GART: variants seen among roughly 807,000 people sequenced by gnomAD.
GART encodes the protein trifunctional purine biosynthetic protein adenosine-3.
GART carries 43 observed loss-of-function variants against 107.2 expected under a neutral mutation model. The observed-to-expected ratio is 0.40, with a 90% CI of 0.31 to 0.52. The LOEUF is 0.52. GART is among the 20% of genes least tolerant of loss of function. The probability of loss-of-function intolerance (pLI) is 0.52; values close to 1 mark genes in which losing one functional copy is unlikely to be tolerated. For missense variants in GART, 1,107 were observed against 1,206.5 expected (o/e 0.92, Z 1.22); for synonymous variants, 434 against 427.0 (o/e 1.02, Z -0.20).
At chr21:33,524,405 G>A in intron 11 of GART, 1 of 615,622 alleles carries the variant, frequency 1.6e-6, no homozygotes, top group Non-Finnish European at 2.0e-6. Flanking sequence ...AAAAAAATTA[G>A]CCAGGTGTGG....
Position 33,520,429 on chromosome 21 carries a change from C to T in GART, c.1637G>A (p.Ser546Asn), listed in dbSNP as rs1278459907. ...DYFSCGKLDL[S>N]VTEAVVAGIA... ...TCCAGCAACAACAGCTTCAGTTACA[C>T]TGAGGTCAAGTTTTCCACAGGAAAA... The change falls in exon 14 of 22, where the codon AGT (serine) becomes AAT (asparagine). Residue 546 changes from serine to asparagine, a missense_variant. By Grantham distance (46) the Ser-to-Asn change is conservative (BLOSUM62 1). Transcript: ENST00000381815. 6.2e-7 allele frequency: 1 copy of T among 1,614,138 alleles called. No homozygotes were observed. Among genetic ancestry groups the T allele is most frequent in the South Asian group, 1.1e-5 (1 of 91,088 alleles).
intron 10 of GART, among the ~76,000 whole-genome samples, chr21:33,526,030 C>T (rs555421849): frequency 3.8e-4 from 58 of 151,528 alleles, no homozygotes; most frequent in African/African-American, 1.2e-3. Context: ...CCACCATGCC[C>T]GGCTAATTTT....
intron 16 of GART, among the ~76,000 whole-genome samples, chr21:33,515,488 A>T (rs2084857402): frequency 3.3e-5 from 5 of 151,892 alleles, no homozygotes; most frequent in Admixed American, 3.3e-4. Flanking sequence ...AAAAATACAA[A>T]AATTAGCCGG....
chr21:33,505,513 C>T (rs2084662833), intron 20 of GART, 48 bp downstream of exon 20: 3 of 1,538,532 alleles, frequency 1.9e-6, no homozygotes, highest in Non-Finnish European at 2.6e-6. Flanking sequence ...GTTCTGGAGA[C>T]CATTTTCAAT....
chr21:33,518,705 A>G, intron 14 of GART: 1 of 441,596 alleles, frequency 2.3e-6, no homozygotes, highest in South Asian at 1.7e-5. Flanking sequence ...AGCCTCATCA[A>G]AACTCCTTAC....
At position 33,521,064 on chromosome 21, in the gene GART, T is replaced by C. The variant is rs537322430; in HGVS notation, c.1394-49A>G. On this transcript the variant is annotated intron_variant, in intron 12 of 21. Coordinates refer to ENST00000381815, the MANE Select transcript of GART (RefSeq NM_000819.5). ...TTGCTACATTTTAATAGATTAAACA[T>C]GTAATTATTTAAATGTCTACTAGTT... 2.1e-6 allele frequency: 3 copies of C among 1,436,904 alleles called. No homozygotes were observed. The African/African-American group carries it at 4.2e-5, about 20-fold the overall frequency. The allele number at this position is 1,436,904 out of a possible 1,614,324, so 89.0% of individuals were successfully genotyped here. A position where few individuals can be genotyped will look rare whatever the true frequency, so the allele number is the denominator to read the frequency against.
At chr21:33,512,745 T>C (rs937756886) in intron 16 of GART, among the ~76,000 whole-genome samples, 1 of 102,532 alleles carries the variant, frequency 9.8e-6, no homozygotes, top group Non-Finnish European at 1.9e-5. Flanking sequence ...TGCGACACCA[T>C]GCCTGGCTAT....
chr21:33,519,796 C>G (rs1218389148), intron 14 of GART, among the ~76,000 whole-genome samples: 2 of 150,658 alleles, frequency 1.3e-5, no homozygotes, highest in African/African-American at 4.9e-5. Context: ...CCACTGCACT[C>G]CAACCTGGGT....
intron 5 of GART, 93 bp from the exon 6 acceptor site, chr21:33,531,650 G>A: frequency 8.7e-7 from 1 of 1,148,036 alleles, no homozygotes; most frequent in South Asian, 1.4e-5. Context: ...TCCAGCATTT[G>A]TATTATGAAC....
At chr21:33,528,479 C>T (rs1364955226) in intron 9 of GART, 40 bp downstream of exon 9, 2 of 1,551,908 alleles carry the variant, frequency 1.3e-6, no homozygotes, top group East Asian at 2.2e-5. Flanking sequence ...TAAAATACCA[C>T]ATATCTTCTA....
At chr21:33,524,736 AT>A (rs2085036722) in intron 11 of GART, 32 bp downstream of exon 11, 1 of 1,613,386 alleles carries the variant, frequency 6.2e-7, no homozygotes, top group South Asian at 1.1e-5. Flanking sequence ...AGTTTCTGAA[AT>A]GGCACTACAG....
rs748179260 is a variant in GART, at chr21:33,535,249, C to T, written c.217G>A (p.Gly73Arg). The T allele has an allele frequency of 6.9e-7, 1 of 1,450,276 alleles. No homozygotes were observed. Among genetic ancestry groups the T allele is most frequent in the Non-Finnish European group, 9.2e-7 (1 of 1,081,114 alleles). The allele number at this position is 1,450,276 out of a possible 1,614,324, so 89.8% of individuals were successfully genotyped here. Residue 73 changes from glycine (G) to arginine (R), a missense_variant, in exon 3 of 22, where the codon GGA becomes AGA. Gly to Arg is a moderately radical substitution (Grantham distance 125). Coordinates refer to ENST00000381815, the MANE Select transcript of GART (RefSeq NM_000819.5). ...CCAGCAGCCAGAGGTGCTTCTGGTC[C>T]AACAACTACAAATTCAATTTTCTTC... ...KEKKIEFVVV[G>R]PEAPLAAGIV...
At position 33,504,133 on chromosome 21, in the gene GART, T is replaced by A. The variant is rs1555888503; in HGVS notation, c.3024A>T (p.Lys1008Asn). The change falls in exon 22 of 22, where the codon AAA (lysine) becomes AAT (asparagine). Residue 1008 changes from lysine (K) to asparagine (N), a missense_variant. Transcript: ENST00000381815. ...TCTGAATTAAAAGGCTTCATTCCTC[T>A]TTAACCCAACAGATCTTGCCATTTT... Reference protein sequence around the residue: ...LGENGKICWVKEE With the variant: ...LGENGKICWVNEE The A allele has an allele frequency of 2.5e-6, 4 of 1,611,258 alleles. No individual in the cohort carries two copies. Among genetic ancestry groups the A allele is most frequent in the Non-Finnish European group, 3.4e-6 (4 of 1,178,322 alleles).
At chr21:33,508,448 T>C (rs1246944134) in intron 18 of GART, among the ~76,000 whole-genome samples, 4 of 151,836 alleles carry the variant, frequency 2.6e-5, no homozygotes, top group African/African-American at 9.7e-5. Context: ...ACATTATACC[T>C]GATAGAAAAA....
chr21:33,528,399 A>G, intron 9 of GART, 64 bp from the exon 10 acceptor site: 5 of 1,573,472 alleles, frequency 3.2e-6, no homozygotes, highest in Non-Finnish European at 3.5e-6. Flanking sequence ...CATTTTATTC[A>G]CTGGTGTACT....
chr21:33,504,393 T>A lies in GART; in HGVS notation c.2841+19A>T. ...CATCTGACTACTAATATTATGTTGGTAGAAAAAGACATACTCACAGCTACA... is the reference window on the plus strand; with the variant it reads ...CATCTGACTACTAATATTATGTTGGAAGAAAAAGACATACTCACAGCTACA... On this transcript the variant is annotated intron_variant, in intron 21 of 21. Transcript: ENST00000381815. 1.2e-6 allele frequency: 2 copies of A among 1,610,306 alleles called. No individual in the cohort carries two copies. The highest frequency in any genetic ancestry group is 2.2e-5 in the South Asian group (2 of 90,980).
chr21:33,539,289 G>A lies in GART; in HGVS notation c.27C>T (p.Gly9=). The A allele has an allele frequency of 6.2e-7, 1 of 1,613,794 alleles. No homozygotes were observed. Among genetic ancestry groups the A allele is most frequent in the South Asian group, 1.1e-5 (1 of 91,028 alleles). MAARVLII[G]SGGREHTLAW... is the part of the protein sequence containing the mutation. ...CCAGCGTATGTTCCCTTCCTCCACT[G>A]CCAATTATAAGTACTCGGGCTGCCA... The change falls in exon 2 of 22, where the codon GGC becomes GGT. Residue 9 remains glycine, a synonymous_variant. Coordinates refer to ENST00000381815, the MANE Select transcript of GART (RefSeq NM_000819.5).
rs200924954 is a variant in GART, at chr21:33,524,957, T to A, written c.1110A>T (p.Ala370=). The change falls in exon 11 of 22, where the codon GCA becomes GCT. Residue 370 remains alanine (A), a synonymous_variant. Transcript: ENST00000381815. ...CTTTGCCATTTTTGAGGGCAGTGCC[T>A]GCATGGAACACCTCCAGTCCTAGAG... ...AQALGLEVFH[A]GTALKNGKVV... is the part of the protein sequence containing the mutation. The A allele has an allele frequency of 4.0e-5, 65 of 1,614,216 alleles. No individual in the cohort carries two copies. The highest frequency in any genetic ancestry group is 5.3e-5 in the Non-Finnish European group (63 of 1,180,032).
At chr21:33,509,758 C>T in intron 18 of GART, 25 bp downstream of exon 18, 1 of 1,611,318 alleles carries the variant, frequency 6.2e-7, no homozygotes, top group Non-Finnish European at 8.5e-7. Context: ...AACAGCTCTA[C>T]AGTGAAGGGG....
Sources: gnomAD v4.1 joint callset for allele counts (sites outside exome capture counted in the v4.1 genomes callset) on GRCh38, gnomAD v4.1.1 for gene constraint, MANE v1.5 for transcripts, NCBI Gene and HGNC (gene_info 2026-07-23, HGNC 2026-07-21) for gene names.